Variants in GLRA2 observed in about 807,000 individuals in gnomAD.
GLRA2 encodes the protein glycine receptor alpha 2.
GLRA2 carries 11 observed loss-of-function variants against 31.6 expected under a neutral mutation model. The ratio of observed to expected loss-of-function variants is 0.35; its 90% CI spans 0.22 to 0.58. GLRA2 has a LOEUF of 0.58. Among genes scored for constraint, GLRA2 ranks in the 20% least tolerant of loss-of-function variants. The probability of loss-of-function intolerance (pLI) is 0.84; values close to 1 mark genes in which losing one functional copy is unlikely to be tolerated. For missense variants in GLRA2, 212 were observed against 351.8 expected (o/e 0.60, Z 3.18); for synonymous variants, 132 against 134.0 (o/e 0.99, Z 0.10).
At chrX:14,671,225 T>A (rs2091089184) in intron 7 of GLRA2, among the ~76,000 whole-genome samples, 1 of 111,414 alleles carries the variant, frequency 9.0e-6, no homozygotes, top group Non-Finnish European at 1.9e-5. Flanking sequence ...ATTTTCAGGA[T>A]GTGTTTCTTT....
At chrX:14,650,823 C>T (rs2090881510) in intron 7 of GLRA2, among the ~76,000 whole-genome samples, 1 of 111,570 alleles carries the variant, frequency 9.0e-6, no homozygotes, top group Non-Finnish European at 1.9e-5. Flanking sequence ...ACTGTGGCAT[C>T]CCAAGCTTGA....
At chrX:14,618,934 A>T (rs1484076409) in intron 7 of GLRA2, among the ~76,000 whole-genome samples, 1 of 111,662 alleles carries the variant, frequency 9.0e-6, no homozygotes, top group African/African-American at 3.3e-5. Context: ...TCCTTCGTAT[A>T]TTTCAAATCT....
chrX:14,672,317 G>T (rs1383511462), intron 7 of GLRA2, among the ~76,000 whole-genome samples: 6 of 112,388 alleles, frequency 5.3e-5, no homozygotes, highest in African/African-American at 1.9e-4. Context: ...TAGAAACTGA[G>T]GCACTCAATG....
At chrX:14,686,727 T>A (rs1017879304) in intron 7 of GLRA2, among the ~76,000 whole-genome samples, 5 of 111,653 alleles carry the variant, frequency 4.5e-5, no homozygotes, top group Non-Finnish European at 9.4e-5. Flanking sequence ...GTGAGATGGG[T>A]CTCCTGAATA....
the GLRA2 span, among the ~76,000 whole-genome samples, chrX:14,504,564 G>A: frequency 8.9e-6 from 1 of 111,770 alleles, no homozygotes; most frequent in Non-Finnish European, 1.9e-5. Context: ...CAAATGATGA[G>A]TGAAGTAACG....
At chrX:14,597,001 T>G (rs947006274) in intron 4 of GLRA2, among the ~76,000 whole-genome samples, 22 of 111,581 alleles carry the variant, frequency 2.0e-4, no homozygotes, top group Non-Finnish European at 3.0e-4. Context: ...CCTCTCTCCA[T>G]GTGTGGGCTG....
At chrX:14,718,609 C>G (rs938030984) in intron 8 of GLRA2, among the ~76,000 whole-genome samples, 3 of 111,726 alleles carry the variant, frequency 2.7e-5, no homozygotes, top group Admixed American at 9.5e-5. Context: ...TATTTGACAG[C>G]TAGGAGTCAG....
chrX:14,517,932 A>C, the GLRA2 span, among the ~76,000 whole-genome samples: 1 of 111,524 alleles, frequency 9.0e-6, no homozygotes, highest in South Asian at 3.7e-4. Context: ...TGATCAAGAA[A>C]GTGAAAAGCC....
intron 4 of GLRA2, among the ~76,000 whole-genome samples, chrX:14,586,674 ATAT>A (rs1436842079): frequency 8.9e-6 from 1 of 112,158 alleles, no homozygotes; most frequent in Non-Finnish European, 1.9e-5. Context: ...AAGGTTGTAC[ATAT>A]TATTGTTTAA....
chrX:14,488,849 CCTTT>C, the GLRA2 span, among the ~76,000 whole-genome samples: 4 of 112,178 alleles, frequency 3.6e-5, no homozygotes, highest in East Asian at 1.1e-3. Flanking sequence ...AAAAAGCTCT[CCTTT>C]CTTATGTTTT....
chrX:14,719,932 TAAGTC>T (rs2091843185), intron 8 of GLRA2, among the ~76,000 whole-genome samples: 1 of 111,584 alleles, frequency 9.0e-6, no homozygotes, highest in African/African-American at 3.3e-5. Context: ...TTAAGGGAAA[TAAGTC>T]AGGCAGAAAA....
chrX:14,680,979 T>C (rs2091195309), intron 7 of GLRA2, among the ~76,000 whole-genome samples: 1 of 112,387 alleles, frequency 8.9e-6, no homozygotes, highest in Non-Finnish European at 1.9e-5. Flanking sequence ...TATTGGGTCT[T>C]AAAACATTTA....
At chrX:14,571,917 T>C (rs983679652) in intron 2 of GLRA2, among the ~76,000 whole-genome samples, 4 of 111,298 alleles carry the variant, frequency 3.6e-5, no homozygotes, top group Non-Finnish European at 5.7e-5. Flanking sequence ...AAAGTTTAGG[T>C]TTTTGGAATC....
the GLRA2 span, among the ~76,000 whole-genome samples, chrX:14,504,046 C>A: frequency 9.0e-6 from 1 of 111,465 alleles, no homozygotes; most frequent in East Asian, 2.8e-4. Flanking sequence ...CTTCCTCCTC[C>A]AGTCTTTTTT....
rs150064102 is a variant in GLRA2, at chrX:14,690,843, A to G, written c.1064A>G (p.Gln355Arg). The G allele has an allele frequency of 4.1e-6, 5 of 1,207,162 alleles. No individual in the cohort carries two copies. In the African/African-American group the frequency reaches 7.0e-5, roughly 17 times the overall value. Residue 355 changes from glutamine to arginine, a missense_variant, in exon 8 of 9, where the codon CAG becomes CGG. Gln to Arg is a conservative substitution (Grantham distance 43, BLOSUM62 1). This residue lies in a region of GLRA2 where 25 missense variants were observed against 20.8 expected (regional missense o/e 1.20). Transcript: ENST00000218075. Reference sequence around the variant, plus strand: ...GAGTTCCTGCGCCTCCGAAGAAGACAGAAGAGGCAGAATAAGGTATGATTG... The same window carrying G: ...GAGTTCCTGCGCCTCCGAAGAAGACGGAAGAGGCAGAATAAGGTATGATTG... ...HKEFLRLRRR[Q>R]KRQNKEEDVT... is the part of the protein sequence containing the mutation.
chrX:14,694,473 A>T lies in GLRA2; in HGVS notation c.1080+3614A>T, dbSNP rs759413407. On this transcript the variant is annotated intron_variant, in intron 8 of 8. Transcript: ENST00000218075. The stretch of plus-strand genomic sequence containing the variant: ...ATTTATTTGCAAGCCAGTATAAAGG[A>T]TTTTATTTTATTCTAAGTGATTGGA... Among the ~76,000 whole-genome samples the T allele has an allele frequency of 5.4e-5, 6 of 112,124 alleles. No homozygotes were observed. The East Asian group carries it at 1.4e-3, about 26-fold the overall frequency.
At chrX:14,714,332 G>C (rs1039635272) in intron 8 of GLRA2, among the ~76,000 whole-genome samples, 1 of 111,226 alleles carries the variant, frequency 9.0e-6, no homozygotes, top group Non-Finnish European at 1.9e-5. Flanking sequence ...AGTGGGTAAA[G>C]GCCATGTAGG....
At chrX:14,636,397 T>C (rs1197366963) in intron 7 of GLRA2, among the ~76,000 whole-genome samples, 1 of 111,261 alleles carries the variant, frequency 9.0e-6, no homozygotes, top group Middle Eastern at 4.2e-3. Flanking sequence ...AACCTCGGTA[T>C]GATGTGATGA....
At chrX:14,662,788 C>T (rs2091004202) in intron 7 of GLRA2, among the ~76,000 whole-genome samples, 1 of 111,801 alleles carries the variant, frequency 8.9e-6, no homozygotes, top group Admixed American at 9.5e-5. Flanking sequence ...GGATACTGAA[C>T]TTTTCTATGA....
Sources: allele counts gnomAD v4.1 joint callset (sites outside exome capture counted in the v4.1 genomes callset), GRCh38; gene constraint gnomAD v4.1.1; regional missense constraint gnomAD v4.1.1; transcripts MANE v1.5; gene names NCBI Gene and HGNC (gene_info 2026-07-23, HGNC 2026-07-21).